THADA: variants seen among roughly 807,000 people sequenced by gnomAD.
THADA encodes the protein THADA armadillo repeat containing.
THADA carries 213 observed loss-of-function variants against 219.8 expected under a neutral mutation model. That is an observed-to-expected ratio of 0.97 (90% CI 0.87 to 1.09). The LOEUF is 1.09. THADA is among the 50% of genes least tolerant of loss of function. The probability of loss-of-function intolerance (pLI) is 0.00; values close to 1 mark genes in which losing one functional copy is unlikely to be tolerated. For synonymous variants in THADA, 1,018 were observed against 828.9 expected (o/e 1.23, Z -3.92); for missense variants, 2,956 against 2,311.3 (o/e 1.28, Z -5.72).
intron 29 of THADA, among the ~76,000 whole-genome samples, chr2:43,365,980 G>T (rs1398449192): frequency 6.6e-6 from 1 of 152,138 alleles, no homozygotes; most frequent in Non-Finnish European, 1.5e-5. Context: ...TGGGAGCAGG[G>T]TCTAAAGCAA....
chr2:43,421,133 T>C (rs1007224416), intron 28 of THADA, among the ~76,000 whole-genome samples: 6 of 152,234 alleles, frequency 3.9e-5, no homozygotes, highest in African/African-American at 1.4e-4. Context: ...TTACATGTTT[T>C]GCAAGTTTGG....
chr2:43,446,832 T>C (rs1306296355), intron 26 of THADA, among the ~76,000 whole-genome samples: 1 of 152,170 alleles, frequency 6.6e-6, no homozygotes, highest in East Asian at 1.9e-4. Flanking sequence ...TCTCTCATAG[T>C]TCTAGAAGTC....
At chr2:43,412,890 G>C (rs1013063832) in intron 28 of THADA, among the ~76,000 whole-genome samples, 1 of 151,848 alleles carries the variant, frequency 6.6e-6, no homozygotes. Flanking sequence ...ACATCTTCTA[G>C]CCTTTTCTAA....
chr2:43,350,912 T>C (rs1199963802), intron 29 of THADA, among the ~76,000 whole-genome samples: 2 of 152,192 alleles, frequency 1.3e-5, no homozygotes, highest in Non-Finnish European at 2.9e-5. Flanking sequence ...AAAGTGTAAT[T>C]ACTTCCTAGC....
intron 31 of THADA, among the ~76,000 whole-genome samples, chr2:43,315,730 G>C (rs1678004090): frequency 6.6e-6 from 1 of 152,174 alleles, no homozygotes; most frequent in African/African-American, 2.4e-5. Context: ...TCCTCCCAAA[G>C]TGCTGGGATT....
At chr2:43,353,050 A>C (rs751873403) in intron 29 of THADA, among the ~76,000 whole-genome samples, 31 of 152,214 alleles carry the variant, frequency 2.0e-4, no homozygotes, top group Non-Finnish European at 4.1e-4. Context: ...CTCCTGGTCC[A>C]TTCATGTAGC....
chr2:43,375,924 G>A (rs1258066610), intron 29 of THADA, among the ~76,000 whole-genome samples: 1 of 152,146 alleles, frequency 6.6e-6, no homozygotes, highest in Non-Finnish European at 1.5e-5. Context: ...AGAGAATTTC[G>A]TGAAATCAGT....
At chr2:43,231,921 C>T (rs1413543291) in intron 37 of THADA, among the ~76,000 whole-genome samples, 7 of 151,882 alleles carry the variant, frequency 4.6e-5, no homozygotes, top group East Asian at 1.9e-4. Context: ...ATGCTGGTGG[C>T]GATCAATTTC....
chr2:43,424,996 A>T (rs549071482), intron 28 of THADA, among the ~76,000 whole-genome samples: 1 of 152,318 alleles, frequency 6.6e-6, no homozygotes, highest in African/African-American at 2.4e-5. Flanking sequence ...CTGTGGATAT[A>T]GGCTCCTCAT....
Position 43,231,469 on chromosome 2 carries a change from T to G in THADA, c.5467-126A>C, listed in dbSNP as rs552358311. 3 of 953,458 alleles carry G rather than the reference T, an allele frequency of 3.1e-6. No homozygotes were observed. The African/African-American group carries it at 5.0e-5, about 16-fold the overall frequency. 59.1% of individuals were successfully genotyped at this position (953,458 alleles called of 1,614,324 possible). A position where few individuals can be genotyped will look rare whatever the true frequency, so the allele number is the denominator to read the frequency against. On this transcript the variant is annotated intron_variant, in intron 37 of 37. Transcript: ENST00000405975. The stretch of plus-strand genomic sequence containing the variant: ...TTCCCCCACCTGACAGAGGGTGCAC[T>G]CTTGCCTGTCAACATCCATGTACAC...
At chr2:43,356,025 G>A (rs560078489) in intron 29 of THADA, among the ~76,000 whole-genome samples, 3 of 152,294 alleles carry the variant, frequency 2.0e-5, no homozygotes, top group Admixed American at 2.0e-4. Flanking sequence ...ATGATGTAGT[G>A]CAGAAAGTAA....
At chr2:43,400,349 GA>G in intron 28 of THADA, among the ~76,000 whole-genome samples, 1 of 151,596 alleles carries the variant, frequency 6.6e-6, no homozygotes, top group South Asian at 2.1e-4. Context: ...TACCAAAAAA[GA>G]AGCCAATTCT....
intron 36 of THADA, among the ~76,000 whole-genome samples, chr2:43,277,661 GA>G (rs904477194): frequency 6.6e-6 from 1 of 152,226 alleles, no homozygotes; most frequent in Non-Finnish European, 1.5e-5. Flanking sequence ...GGAAAACTGA[GA>G]AGTAACTTTA....
At chr2:43,576,958 G>T (rs1699918764) in intron 10 of THADA, 64 bp downstream of exon 10, 1 of 1,438,060 alleles carries the variant, frequency 7.0e-7, no homozygotes, top group Non-Finnish European at 9.6e-7. Context: ...TCCAGCTTTT[G>T]GACTGCATCT....
At chr2:43,364,288 C>G (rs1241528340) in intron 29 of THADA, among the ~76,000 whole-genome samples, 1 of 151,984 alleles carries the variant, frequency 6.6e-6, no homozygotes, top group Non-Finnish European at 1.5e-5. Flanking sequence ...ATATGACAGA[C>G]TTGAAGGGCC....
At chr2:43,337,374 C>T (rs1666574093) in intron 30 of THADA, among the ~76,000 whole-genome samples, 1 of 152,118 alleles carries the variant, frequency 6.6e-6, no homozygotes, top group Non-Finnish European at 1.5e-5. Context: ...GTGTGTCTCC[C>T]CAGTTGTTTT....
At chr2:43,267,108 G>C (rs1481364669) in intron 36 of THADA, among the ~76,000 whole-genome samples, 1 of 152,152 alleles carries the variant, frequency 6.6e-6, no homozygotes, top group Non-Finnish European at 1.5e-5. Context: ...TGATGTGTGT[G>C]GTCCTAAGAG....
intron 22 of THADA, among the ~76,000 whole-genome samples, chr2:43,520,252 T>C (rs1692236762): frequency 6.6e-6 from 1 of 152,222 alleles, no homozygotes; most frequent in Non-Finnish European, 1.5e-5. Context: ...TCTGAAGGTA[T>C]TTTGTTTTTA....
At chr2:43,571,477 C>A (rs11884565) in intron 13 of THADA, among the ~76,000 whole-genome samples, 1 of 151,422 alleles carries the variant, frequency 6.6e-6, no homozygotes, top group Non-Finnish European at 1.5e-5. Flanking sequence ...ATTCTGAACT[C>A]CTGAAAAAAA....
Sources: gnomAD v4.1 joint callset for allele counts (sites outside exome capture counted in the v4.1 genomes callset) on GRCh38, gnomAD v4.1.1 for gene constraint, MANE v1.5 for transcripts, NCBI Gene and HGNC (gene_info 2026-07-23, HGNC 2026-07-21) for gene names.